The following PARL variants were observed in gnomAD, a reference collection of about 807,000 sequenced individuals.
PARL encodes the protein presenilin-associated rhomboid-like protein, mitochondrial.
In PARL, 44 loss-of-function variants were observed where a neutral mutation model predicts 51.6. The observed-to-expected ratio is 0.85, with a 90% CI of 0.67 to 1.10. The LOEUF is 1.10. Ranked by LOEUF, PARL falls within the 50% of genes least tolerant of loss-of-function variation. The pLI, the probability that PARL is intolerant of heterozygous loss-of-function variation, is 0.00. For synonymous variants in PARL, 172 were observed against 164.0 expected, an observed-to-expected ratio of 1.05 and a Z score of -0.37; for missense variants, 441 against 469.5, an observed-to-expected ratio of 0.94 and a Z score of 0.56.
At chr3:183,862,938 T>C in intron 3 of PARL, 137 bp from the exon 4 acceptor site, 1 of 744,968 alleles carries the variant, frequency 1.3e-6, no homozygotes, top group South Asian at 1.4e-5. Flanking sequence ...ACATAATAAA[T>C]ACGTGGTAGA....
intron 3 of PARL, among the ~76,000 whole-genome samples, chr3:183,864,302 C>T (rs151293570): frequency 2.8e-4 from 42 of 152,144 alleles, no homozygotes; most frequent in African/African-American, 1.0e-3. Context: ...CCTTCTCAGG[C>T]TCTTGCTGGC....
intron 4 of PARL, among the ~76,000 whole-genome samples, chr3:183,852,451 TCA>T (rs532780607): frequency 4.5e-4 from 68 of 152,130 alleles, no homozygotes; most frequent in South Asian, 2.1e-3. Flanking sequence ...ATAGACAAAC[TCA>T]CAGAGACAGA....
intron 1 of PARL, among the ~76,000 whole-genome samples, chr3:183,882,463 AC>A (rs1474405630): frequency 1.3e-5 from 2 of 151,390 alleles, no homozygotes; most frequent in African/African-American, 4.9e-5. Context: ...CTCAATATAA[AC>A]TTTCCATACA....
chr3:183,862,951 G>A, intron 3 of PARL, 150 bp from the exon 4 acceptor site: 2 of 709,134 alleles, frequency 2.8e-6, no homozygotes, highest in Non-Finnish European at 5.1e-6. Context: ...GTGGTAGAGT[G>A]GAAAAGGCAC....
At chr3:183,867,236 T>A (rs913079436) in intron 2 of PARL, among the ~76,000 whole-genome samples, 3 of 151,892 alleles carry the variant, frequency 2.0e-5, no homozygotes, top group African/African-American at 7.3e-5. Flanking sequence ...TTGTTTCCCA[T>A]TGTATTAACT....
In PARL at chr3:183,884,862, C is replaced by T. The variant is rs554572888; in HGVS notation, c.-16G>A. 68 of 1,596,692 alleles carry T rather than the reference C, an allele frequency of 4.3e-5. No homozygotes were observed. The South Asian group carries it at 6.6e-4, about 16-fold the overall frequency. ...GCCACGCCATCTTCCCAACCTCTGCCCCACCATGGCCCGACCTTACCAACC... is the reference window on the plus strand; with the variant it reads ...GCCACGCCATCTTCCCAACCTCTGCTCCACCATGGCCCGACCTTACCAACC... On this transcript the variant is annotated 5_prime_UTR_variant, in exon 1 of 10. Coordinates refer to ENST00000317096, the MANE Select transcript of PARL (RefSeq NM_018622.7).
Position 183,884,808 on chromosome 3 carries a change from G to T in PARL, c.39C>A (p.Cys13Ter). ...WRGWAQRGWGCGQAWGASVGG... is the reference protein window; with the variant it reads ...WRGWAQRGWG ...CCACCGACGCACCCCACGCCTGGCCGCAGCCCCAGCCTCTCTGCGCCCAGC... is the reference window on the plus strand; with the variant it reads ...CCACCGACGCACCCCACGCCTGGCCTCAGCCCCAGCCTCTCTGCGCCCAGC... The change falls in exon 1 of 10, where the codon TGC (cysteine) becomes TGA (stop). Residue 13 changes from cysteine (C) to a stop codon, truncating the protein, a stop_gained. Coordinates refer to ENST00000317096, the MANE Select transcript of PARL (RefSeq NM_018622.7). LOFTEE classifies it high-confidence loss of function. The T allele has an allele frequency of 6.3e-7, 1 of 1,595,594 alleles. No homozygotes were observed. The highest frequency in any genetic ancestry group is 2.2e-5 in the East Asian group (1 of 44,622).
chr3:183,836,060 A>ATACAAAAT (rs1413502699), intron 7 of PARL, among the ~76,000 whole-genome samples: 2 of 151,818 alleles, frequency 1.3e-5, no homozygotes, highest in Non-Finnish European at 2.9e-5. Flanking sequence ...TCTGCTAAAA[A>ATACAAAAT]TACAAAATTA....
chr3:183,832,061 T>C (rs1471646488), intron 9 of PARL, among the ~76,000 whole-genome samples: 6 of 152,304 alleles, frequency 3.9e-5, no homozygotes, highest in African/African-American at 1.2e-4. Flanking sequence ...CATACTGTAA[T>C]ATCAGGTCAG....
At chr3:183,875,968 C>T (rs781640906) in intron 1 of PARL, among the ~76,000 whole-genome samples, 3 of 152,170 alleles carry the variant, frequency 2.0e-5, no homozygotes, top group Non-Finnish European at 4.4e-5. Context: ...CTACTCTGCC[C>T]GTGCTCTACA....
intron 4 of PARL, 39 bp downstream of exon 4, chr3:183,862,714 C>A (rs1166708685): frequency 6.4e-7 from 1 of 1,559,426 alleles, no homozygotes; most frequent in African/African-American, 1.4e-5. Flanking sequence ...TTTGATTTCT[C>A]TTCCCTTGAA....
intron 4 of PARL, among the ~76,000 whole-genome samples, chr3:183,849,142 A>G (rs1730282468): frequency 6.6e-6 from 1 of 152,224 alleles, no homozygotes; most frequent in South Asian, 2.1e-4. Context: ...TTAAATGATC[A>G]GCAAGGAAGC....
chr3:183,828,060 G>A (rs1727559115), downstream of PARL, among the ~76,000 whole-genome samples: 1 of 152,228 alleles, frequency 6.6e-6, no homozygotes. Flanking sequence ...AAGCACCCTC[G>A]TGGGCAATCA....
intron 1 of PARL, chr3:183,883,766 A>C (rs1357278720): frequency 5.6e-6 from 5 of 888,512 alleles, no homozygotes; most frequent in Non-Finnish European, 6.7e-6. Flanking sequence ...TGTCGGACAT[A>C]TAGGTTCTTC....
In PARL at chr3:183,862,318, T is replaced by A. The variant is rs554221494; in HGVS notation, c.511+435A>T. ...TCTGCTCTATTGCTTACTAGCAGTTTGACTTTCAAAAGTTCCTTCTCTGAA... is the reference window on the plus strand; with the variant it reads ...TCTGCTCTATTGCTTACTAGCAGTTAGACTTTCAAAAGTTCCTTCTCTGAA... On this transcript the variant is annotated intron_variant, in intron 4 of 9. Coordinates refer to ENST00000317096, the MANE Select transcript of PARL (RefSeq NM_018622.7). Among the ~76,000 whole-genome samples, 9 of 152,352 alleles carry A rather than the reference T, an allele frequency of 5.9e-5. No individual in the cohort carries two copies. The East Asian group carries it at 1.7e-3, about 29-fold the overall frequency.
chr3:183,872,457 C>T (rs1733324811), intron 1 of PARL, among the ~76,000 whole-genome samples: 1 of 152,138 alleles, frequency 6.6e-6, no homozygotes, highest in Admixed American at 6.6e-5. Flanking sequence ...ACAGAAAAAG[C>T]AGAAAAGGTT....
chr3:183,829,411 T>A lies in PARL; in HGVS notation c.*187A>T. 2 of 1,535,028 alleles carry A rather than the reference T, an allele frequency of 1.3e-6. No homozygotes were observed. Among genetic ancestry groups the A allele is most frequent in the South Asian group, 2.5e-5 (2 of 81,590 alleles). ...CTGCTTACAAACTAGATAGAAACCT[T>A]TATTTCACAACTTTATCATCATTCA... On this transcript the variant is annotated 3_prime_UTR_variant, in exon 10 of 10. Transcript: ENST00000317096.
intron 1 of PARL, chr3:183,883,819 G>C (rs888811061): frequency 3.1e-5 from 11 of 353,148 alleles, no homozygotes; most frequent in Admixed American, 1.3e-4. Context: ...GGGAGGACTG[G>C]GGTGAGGCCT....
At chr3:183,884,653 G>GC (rs945012489) in intron 1 of PARL, 69 bp downstream of exon 1, 3 of 1,503,328 alleles carry the variant, frequency 2.0e-6, no homozygotes, top group African/African-American at 1.4e-5. Context: ...GACGGCCTCC[G>GC]CCCCCGAGGA....
Sources: allele counts gnomAD v4.1 joint callset (sites outside exome capture counted in the v4.1 genomes callset), GRCh38; gene constraint gnomAD v4.1.1; transcripts MANE v1.5; gene names NCBI Gene and HGNC (gene_info 2026-07-23, HGNC 2026-07-21).